Variants in RBM6 observed in about 807,000 individuals in gnomAD.
The protein encoded by RBM6 is RNA binding motif protein 6, also known as RNA-binding protein 6.
A neutral mutation model predicts 140.4 loss-of-function variants in RBM6; 23 were observed. That is an observed-to-expected ratio of 0.16 (90% CI 0.12 to 0.23). The LOEUF is 0.23. Ranked by LOEUF, RBM6 falls within the 10% of genes least tolerant of loss-of-function variation. The probability of loss-of-function intolerance (pLI) is 1.00; values close to 1 mark genes in which losing one functional copy is unlikely to be tolerated. For missense variants in RBM6, 1,139 were observed against 1,386.7 expected (o/e 0.82, Z 2.84); for synonymous variants, 439 against 475.6 (o/e 0.92, Z 1.00).
intron 1 of RBM6, among the ~76,000 whole-genome samples, chr3:49,946,023 G>T (rs2083470979): frequency 6.6e-6 from 1 of 151,932 alleles, no homozygotes; most frequent in South Asian, 2.1e-4. Flanking sequence ...AGGTAGAAGG[G>T]GGCTGCCTGC....
rs1202694382 is a variant in RBM6, at chr3:50,059,494, AT to A, written c.2131-154del. 7.1e-6 allele frequency: 4 copies of A among 561,328 alleles called. No homozygotes were observed. The East Asian group carries it at 1.3e-4, about 18-fold the overall frequency. The allele number at this position is 561,328 out of a possible 1,614,324, so 34.8% of individuals were successfully genotyped here. ...TTAAAAGTTGCCTGTTTCTGCCAGTATGCTCTTACTGTTAAAATTTTGACAG... is the reference window on the plus strand; with the variant it reads ...TTAAAAGTTGCCTGTTTCTGCCAGTAGCTCTTACTGTTAAAATTTTGACAG... On this transcript the variant is annotated intron_variant, in intron 10 of 20. Coordinates refer to ENST00000266022, the MANE Select transcript of RBM6 (RefSeq NM_005777.3).
At chr3:49,966,792 G>C (rs922773728) in intron 2 of RBM6, among the ~76,000 whole-genome samples, 2 of 152,012 alleles carry the variant, frequency 1.3e-5, no homozygotes, top group Admixed American at 1.3e-4. Flanking sequence ...CCCTTGGGTA[G>C]TTATAATAGG....
Position 49,967,408 on chromosome 3 carries a change from T to C in RBM6, c.45-62T>C. ...AATGTGCTGTGATTAGAGAAGAATATGCTGGTGTGTAGATTTCAAACTCTC... is the reference window on the plus strand; with the variant it reads ...AATGTGCTGTGATTAGAGAAGAATACGCTGGTGTGTAGATTTCAAACTCTC... On this transcript the variant is annotated intron_variant, in intron 2 of 20. Coordinates refer to ENST00000266022, the MANE Select transcript of RBM6 (RefSeq NM_005777.3). The surrounding 1 kb of genome is among the most constrained non-coding windows in gnomAD (Gnocchi z 4.0). 1.3e-6 allele frequency: 2 copies of C among 1,550,078 alleles called. No homozygotes were observed. Among genetic ancestry groups the C allele is most frequent in the Non-Finnish European group, 1.7e-6 (2 of 1,149,468 alleles).
intron 6 of RBM6, among the ~76,000 whole-genome samples, chr3:50,030,060 G>A (rs1362461276): frequency 6.6e-6 from 1 of 151,858 alleles, no homozygotes; most frequent in Non-Finnish European, 1.5e-5. Context: ...GAGCCCAGGA[G>A]TTCGAGACCA....
intron 6 of RBM6, among the ~76,000 whole-genome samples, chr3:50,015,571 C>T (rs2087096357): frequency 6.6e-6 from 1 of 151,658 alleles, no homozygotes; most frequent in South Asian, 2.1e-4. Flanking sequence ...GCTGGGACTA[C>T]AGGCGCGTGC....
At chr3:50,002,989 G>A (rs951787588) in intron 6 of RBM6, among the ~76,000 whole-genome samples, 8 of 152,124 alleles carry the variant, frequency 5.3e-5, no homozygotes, top group African/African-American at 1.2e-4. Context: ...GGTGGCGCAC[G>A]CCTGTAGTCC....
At chr3:50,061,591 G>C (rs976278568) in intron 14 of RBM6, 44 bp downstream of exon 14, 25 of 1,035,960 alleles carry the variant, frequency 2.4e-5, no homozygotes, top group Non-Finnish European at 3.1e-5. Context: ...TTTTACCTCT[G>C]TCAATGATTC....
rs115566940 is a variant in RBM6, at chr3:50,044,100, C to T, written c.1558-4145C>T. On this transcript the variant is annotated intron_variant, in intron 6 of 20. Transcript: ENST00000266022. ...TTCACTGTGTTGCCCAGGCTGGTCT[C>T]GAACTGAGCTCAGGCAGTCCACCCG... is the stretch of plus-strand genomic sequence containing the variant. 3.4e-3 allele frequency among the ~76,000 whole-genome samples: 499 copies of T among 148,234 alleles called. 4 individuals carry two copies. Among genetic ancestry groups the T allele is most frequent in the African/African-American group, 0.012 (486 of 40,154 alleles).
chr3:49,964,234 T>A (rs531435107), intron 2 of RBM6, among the ~76,000 whole-genome samples: 2 of 152,324 alleles, frequency 1.3e-5, no homozygotes, highest in African/African-American at 4.8e-5. Flanking sequence ...CAAGATTTTA[T>A]TACTTAAATG....
At chr3:50,042,557 A>G (rs912663261) in intron 6 of RBM6, among the ~76,000 whole-genome samples, 2 of 151,882 alleles carry the variant, frequency 1.3e-5, no homozygotes, top group Non-Finnish European at 2.9e-5. Flanking sequence ...ACATAGTGAG[A>G]CCCCCATCTC....
intron 1 of RBM6, among the ~76,000 whole-genome samples, chr3:49,956,884 C>G (rs187875569): frequency 4.6e-5 from 7 of 151,856 alleles, no homozygotes; most frequent in Non-Finnish European, 7.4e-5. Flanking sequence ...AGGCTGGTCT[C>G]GAACTCCAGA....
At chr3:49,970,254 T>C (rs966701753) in intron 3 of RBM6, among the ~76,000 whole-genome samples, 1 of 152,240 alleles carries the variant, frequency 6.6e-6, no homozygotes, top group East Asian at 1.9e-4. Context: ...AATTTTTGTA[T>C]TTTTTTGTAG....
At chr3:49,994,821 A>G (rs2086005701) in intron 5 of RBM6, among the ~76,000 whole-genome samples, 1 of 151,982 alleles carries the variant, frequency 6.6e-6, no homozygotes, top group Non-Finnish European at 1.5e-5. Flanking sequence ...TACTTTCTGG[A>G]TGTGTATTCT....
chr3:50,067,443 A>G (rs914977613), intron 17 of RBM6, among the ~76,000 whole-genome samples: 1 of 152,176 alleles, frequency 6.6e-6, no homozygotes, highest in Non-Finnish European at 1.5e-5. Context: ...TGGGTTTCTC[A>G]TCTTAGCTGT....
At chr3:49,974,624 G>A (rs1208436625) in intron 4 of RBM6, among the ~76,000 whole-genome samples, 6 of 147,460 alleles carry the variant, frequency 4.1e-5, no homozygotes, top group Non-Finnish European at 5.9e-5. Context: ...TGCCCACCTC[G>A]GCCTCCCAAA....
At chr3:49,954,000 GTA>G (rs1448687516) in intron 1 of RBM6, among the ~76,000 whole-genome samples, 1 of 152,046 alleles carries the variant, frequency 6.6e-6, no homozygotes, top group Non-Finnish European at 1.5e-5. Context: ...GCCGAGCATG[GTA>G]GTGCACATTT....
At chr3:50,048,714 G>C (rs1046701792) in intron 7 of RBM6, among the ~76,000 whole-genome samples, 3 of 152,118 alleles carry the variant, frequency 2.0e-5, no homozygotes, top group African/African-American at 7.2e-5. Context: ...ATATTCTTGG[G>C]TTTCCAAGGG....
At chr3:49,962,410 C>A (rs577981243) in intron 1 of RBM6, among the ~76,000 whole-genome samples, 166 bp from the exon 2 acceptor site, 1 of 150,006 alleles carries the variant, frequency 6.7e-6, no homozygotes, top group East Asian at 2.0e-4. Context: ...CCAGCCTGGG[C>A]GACAGAGCGA....
chr3:50,057,833 A>T lies in RBM6; in HGVS notation c.1799A>T (p.Lys600Met). ...AACCAGCCCCTAAGACCAGCTGATA[A>T]GGAACCTGAACCCAGGAAGAGGGAA... ...QPNQPLRPAD[K>M]EPEPRKREEG... is the part of the protein sequence containing the mutation. Residue 600 changes from lysine (K) to methionine (M), a missense_variant, in exon 9 of 21, where the codon AAG becomes ATG. Lys to Met is a moderately conservative substitution (Grantham distance 95, BLOSUM62 -1). Around this residue, in one of 9 missense-constraint regions of RBM6, gnomAD observed 109 missense variants for 101.9 expected, o/e 1.07. Transcript: ENST00000266022. 6.2e-7 allele frequency: 1 copy of T among 1,614,054 alleles called. No homozygotes were observed. Among genetic ancestry groups the T allele is most frequent in the Non-Finnish European group, 8.5e-7 (1 of 1,180,010 alleles).
Sources: allele counts gnomAD v4.1 joint callset (sites outside exome capture counted in the v4.1 genomes callset), GRCh38; gene constraint gnomAD v4.1.1; regional missense constraint gnomAD v4.1.1; non-coding constraint Gnocchi (gnomAD v3.1); transcripts MANE v1.5; gene names NCBI Gene and HGNC (gene_info 2026-07-23, HGNC 2026-07-21).